GYG1: variants seen among roughly 807,000 people sequenced by gnomAD.
GYG1 encodes glycogenin-1.
A neutral mutation model predicts 41.9 loss-of-function variants in GYG1; 44 were observed. The ratio of observed to expected loss-of-function variants is 1.05; its 90% CI spans 0.83 to 1.35. The LOEUF is 1.35. GYG1 is among the 40% of genes most tolerant of loss of function. The pLI is 0.00. For synonymous variants in GYG1, 141 were observed against 158.1 expected, an observed-to-expected ratio of 0.89 and a Z score of 0.81; for missense variants, 429 against 418.9, an observed-to-expected ratio of 1.02 and a Z score of -0.21.
intron 5 of GYG1, among the ~76,000 whole-genome samples, chr3:149,011,401 G>T (rs1221835554): frequency 6.6e-6 from 1 of 152,230 alleles, no homozygotes; most frequent in Non-Finnish European, 1.5e-5. Flanking sequence ...AGTTTAGCAA[G>T]CAAAAAGTTG....
chr3:149,001,708 T>C (rs1713103870), intron 4 of GYG1: 1 of 152,332 alleles, frequency 6.6e-6, no homozygotes, highest in South Asian at 2.1e-4. Context: ...CTGATGTCTC[T>C]GAGCTAGGCA....
chr3:149,025,071 TATAGAA>T (rs1253935863), intron 6 of GYG1, among the ~76,000 whole-genome samples: 1 of 152,176 alleles, frequency 6.6e-6, no homozygotes, highest in African/African-American at 2.4e-5. Context: ...TTTACTAAGA[TATAGAA>T]AGGAGAAAGG....
chr3:148,993,060 T>A (rs1712579217), intron 1 of GYG1, among the ~76,000 whole-genome samples: 1 of 152,098 alleles, frequency 6.6e-6, no homozygotes, highest in Non-Finnish European at 1.5e-5. Context: ...ACTCGCTGGT[T>A]AAGCAACTGA....
rs1426744295 is a variant in GYG1 at position 149,028,709 on chromosome 3, T to A, written c.*1776T>A. On this transcript the variant is annotated 3_prime_UTR_variant, in exon 8 of 8. Coordinates refer to ENST00000345003, the MANE Select transcript of GYG1 (RefSeq NM_004130.4). ...GAAAAGCTGACATAGTTTTAAATTT[T>A]TTTTTTTTTTTTTTTTTTTCTTGAG... is the stretch of plus-strand genomic sequence containing the variant. 1.4e-5 allele frequency among the ~76,000 whole-genome samples: 1 copy of A among 72,062 alleles called. No individual in the cohort carries two copies. The highest frequency in any genetic ancestry group is 4.9e-5 in the African/African-American group (1 of 20,418). The allele number at this position is 72,062 out of a possible 152,430, so 47.3% of individuals were successfully genotyped here.
intron 5 of GYG1, among the ~76,000 whole-genome samples, chr3:149,016,270 AAAAAAAC>A (rs1714028609): frequency 3.3e-5 from 5 of 151,296 alleles, no homozygotes; most frequent in African/African-American, 4.9e-5. Context: ...CAAAAAAAAA[AAAAAAAC>A]AAAAAAGAAA....
chr3:149,026,904 A>G lies in GYG1; in HGVS notation c.1024A>G (p.Lys342Glu), dbSNP rs1182452266. The G allele has an allele frequency of 1.9e-6, 3 of 1,613,428 alleles. No homozygotes were observed. Among genetic ancestry groups the G allele is most frequent in the African/African-American group, 1.3e-5 (1 of 75,044 alleles). The change falls in exon 8 of 8, where the codon AAG (lysine) becomes GAG (glutamate). Residue 342 changes from lysine to glutamate, a missense_variant. Physicochemically the swap from Lys to Glu is moderately conservative, Grantham distance 56. Coordinates refer to ENST00000345003, the MANE Select transcript of GYG1 (RefSeq NM_004130.4). ...GGGAGCAGATTCCTTTGACAACATC[A>G]AGAGGAAACTTGACACTTACCTCCA... The part of the protein sequence containing the change: ...YMGADSFDNI[K>E]RKLDTYLQ
chr3:149,028,755 T>G lies in GYG1; in HGVS notation c.*1822T>G, dbSNP rs1383067212. Among the ~76,000 whole-genome samples the G allele has an allele frequency of 6.7e-6, 1 of 148,274 alleles. No individual in the cohort carries two copies. The highest frequency in any genetic ancestry group is 1.5e-5 in the Non-Finnish European group (1 of 67,522). ...TTGAGGCAGAGTCTTGCTCTGTCAG[T>G]CAGTCACCAGGCTGGAGTGCAGTGG... is the stretch of plus-strand genomic sequence containing the variant. On this transcript the variant is annotated 3_prime_UTR_variant, in exon 8 of 8. Transcript: ENST00000345003.
intron 4 of GYG1, among the ~76,000 whole-genome samples, chr3:148,999,815 T>C (rs1712994537): frequency 6.6e-6 from 1 of 152,240 alleles, no homozygotes; most frequent in African/African-American, 2.4e-5. Context: ...CCTTTCACAG[T>C]TACCCACATT....
At chr3:149,019,345 T>C (rs1025337682) in intron 5 of GYG1, among the ~76,000 whole-genome samples, 2 of 152,172 alleles carry the variant, frequency 1.3e-5, no homozygotes, top group Non-Finnish European at 2.9e-5. Flanking sequence ...ATTTGTTTCA[T>C]TGCAATGTGG....
rs746633740 is a variant in GYG1, at chr3:149,030,045, AAC to A, written c.*3115_*3116del. 12 of 152,212 alleles carry A rather than the reference AAC, an allele frequency of 7.9e-5. No individual in the cohort carries two copies. The highest frequency in any genetic ancestry group is 1.6e-4 in the Non-Finnish European group (11 of 68,014). 9.4% of individuals were successfully genotyped at this position (152,212 alleles called of 1,614,324 possible). A position where few individuals can be genotyped will look rare whatever the true frequency, so the allele number is the denominator to read the frequency against. The stretch of plus-strand genomic sequence containing the variant: ...TCTTCATGTACTCTCAAAAAAATGT[AAC>A]ACTTGCATAGAAATGTCACAATTAA... On this transcript the variant is annotated 3_prime_UTR_variant, in exon 8 of 8. Coordinates refer to ENST00000345003, the MANE Select transcript of GYG1 (RefSeq NM_004130.4).
chr3:149,026,725 A>G, intron 7 of GYG1, 35 bp from the exon 8 acceptor site: 1 of 1,422,918 alleles, frequency 7.0e-7, no homozygotes, highest in Non-Finnish European at 9.9e-7. Context: ...TTTGATTTTC[A>G]GCTCTCATAG....
In GYG1 at chr3:149,028,952, C is replaced by T. The variant is rs367858653; in HGVS notation, c.*2019C>T. On this transcript the variant is annotated 3_prime_UTR_variant, in exon 8 of 8. Transcript: ENST00000345003. ...CAGGATGGTCTCAATCTCTTGACCTCGTGATCCACCGGCCTTGGCCTCCCA... is the reference window on the plus strand; with the variant it reads ...CAGGATGGTCTCAATCTCTTGACCTTGTGATCCACCGGCCTTGGCCTCCCA... 2.8e-4 allele frequency among the ~76,000 whole-genome samples: 42 copies of T among 152,268 alleles called. 1 individual carries two copies. Among genetic ancestry groups the T allele is most frequent in the African/African-American group, 9.1e-4 (38 of 41,560 alleles).
chr3:149,010,382 C>T (rs1019883762), intron 5 of GYG1, among the ~76,000 whole-genome samples: 4 of 142,868 alleles, frequency 2.8e-5, no homozygotes, highest in African/African-American at 8.0e-5. Flanking sequence ...GGCTGGAGTG[C>T]AGTGGCATGA....
intron 5 of GYG1, among the ~76,000 whole-genome samples, chr3:149,020,648 G>T (rs958702716): frequency 6.6e-6 from 1 of 152,232 alleles, no homozygotes; most frequent in Non-Finnish European, 1.5e-5. Context: ...TTAGTAAACT[G>T]TCAAGAGAGC....
At chr3:148,998,794 A>G (rs1231977592) in intron 4 of GYG1, among the ~76,000 whole-genome samples, 1 of 152,190 alleles carries the variant, frequency 6.6e-6, no homozygotes, top group African/African-American at 2.4e-5. Context: ...CCTTTGCATA[A>G]AAGAGGAGAG....
chr3:148,999,980 G>GT (rs1713003778), intron 4 of GYG1, among the ~76,000 whole-genome samples: 1 of 152,176 alleles, frequency 6.6e-6, no homozygotes, highest in South Asian at 2.1e-4. Context: ...TCAGAAACTG[G>GT]TGGGGCCTGA....
Position 148,996,779 on chromosome 3 carries a change from A to G in GYG1, c.356A>G (p.Glu119Gly), listed in dbSNP as rs749654439. The change falls in exon 4 of 8, where the codon GAA (glutamate) becomes GGA (glycine). Residue 119 changes from glutamate to glycine, a missense_variant. Glu to Gly is a moderately conservative substitution (Grantham distance 98, BLOSUM62 -2). Transcript: ENST00000345003. ...ANIDDLFDRE[E>G]LSAAPDPGWP... Reference sequence around the variant, plus strand: ...ATTGATGATCTTTTTGACAGAGAAGAATTGTCAGCAGCACCAGACCCAGGG... The same window carrying G: ...ATTGATGATCTTTTTGACAGAGAAGGATTGTCAGCAGCACCAGACCCAGGG... 6 of 1,613,926 alleles carry G rather than the reference A, an allele frequency of 3.7e-6. No individual in the cohort carries two copies. In the Admixed American group the frequency reaches 8.3e-5, roughly 22 times the overall value.
intron 5 of GYG1, among the ~76,000 whole-genome samples, chr3:149,016,330 G>C (rs895123225): frequency 2.0e-5 from 3 of 151,434 alleles, no homozygotes; most frequent in Non-Finnish European, 4.4e-5. Flanking sequence ...TAACATGAAG[G>C]AAGGCAAAGT....
Position 148,996,988 on chromosome 3 carries a change from G to A in GYG1, c.481+84G>A, listed in dbSNP as rs1303964073. The A allele has an allele frequency of 1.6e-5, 17 of 1,038,970 alleles. No individual in the cohort carries two copies. In the Admixed American group the frequency reaches 2.9e-4, roughly 18 times the overall value. The allele number at this position is 1,038,970 out of a possible 1,614,324, so 64.4% of individuals were successfully genotyped here. On this transcript the variant is annotated intron_variant, in intron 4 of 7. Transcript: ENST00000345003. ...TCTTCTCAGGAATATAATTGCTGTG[G>A]TTTATTCTGCCTGGAAGATATAAGA... is the stretch of plus-strand genomic sequence containing the variant.
Sources: allele counts gnomAD v4.1 joint callset (sites outside exome capture counted in the v4.1 genomes callset), GRCh38; gene constraint gnomAD v4.1.1; transcripts MANE v1.5; gene names NCBI Gene and HGNC (gene_info 2026-07-23, HGNC 2026-07-21).